TMTC1: variants seen among roughly 807,000 people sequenced by gnomAD.
TMTC1 encodes protein O-mannosyl-transferase TMTC1.
TMTC1 carries 73 observed loss-of-function variants against 104.8 expected under a neutral mutation model. That is an observed-to-expected ratio of 0.70 (90% CI 0.58 to 0.85). The LOEUF (loss-of-function observed/expected upper bound fraction) is 0.85. TMTC1 is among the 40% of genes least tolerant of loss of function. The pLI is 0.00. For missense variants in TMTC1, 1,035 were observed against 1,096.1 expected, an observed-to-expected ratio of 0.94 and a Z score of 0.79; for synonymous variants, 434 against 428.7, an observed-to-expected ratio of 1.01 and a Z score of -0.15.
intron 8 of TMTC1, among the ~76,000 whole-genome samples, chr12:29,574,889 T>C (rs1256024320): frequency 2.0e-5 from 3 of 152,132 alleles, no homozygotes; most frequent in Non-Finnish European, 4.4e-5. Context: ...AAGCTCTTAA[T>C]CATGAGGGAG....
At chr12:29,734,895 T>C (rs548860242) in intron 5 of TMTC1, among the ~76,000 whole-genome samples, 13 of 152,324 alleles carry the variant, frequency 8.5e-5, no homozygotes, top group South Asian at 8.3e-4. Flanking sequence ...ATTCCAACTC[T>C]GTATAAATAT....
chr12:29,676,519 T>C (rs1237802241), intron 5 of TMTC1, among the ~76,000 whole-genome samples: 1 of 152,158 alleles, frequency 6.6e-6, no homozygotes, highest in Non-Finnish European at 1.5e-5. Context: ...CCAGAGCATA[T>C]ATTTTGATAC....
At chr12:29,749,377 T>A (rs1270672145) in intron 5 of TMTC1, among the ~76,000 whole-genome samples, 3 of 152,158 alleles carry the variant, frequency 2.0e-5, no homozygotes, top group Non-Finnish European at 4.4e-5. Flanking sequence ...CATCAACTGA[T>A]CCATGTCACA....
At chr12:29,743,298 C>G (rs1042232648) in intron 5 of TMTC1, among the ~76,000 whole-genome samples, 1 of 152,158 alleles carries the variant, frequency 6.6e-6, no homozygotes, top group Admixed American at 6.6e-5. Flanking sequence ...CAACCTCATA[C>G]GTTTCGCAAG....
At position 29,508,868 on chromosome 12, in the gene TMTC1, G is replaced by A. The variant is rs189734895; in HGVS notation, c.2509-1882C>T. On this transcript the variant is annotated intron_variant, in intron 17 of 17. Coordinates refer to ENST00000539277, the MANE Select transcript of TMTC1 (RefSeq NM_001193451.2). ...GCTGGGATTACAGGTATGAGCCACCGTGCCCAGCCTAGAAGCCCTATTTTA... is the reference window on the plus strand; with the variant it reads ...GCTGGGATTACAGGTATGAGCCACCATGCCCAGCCTAGAAGCCCTATTTTA... 5.9e-4 allele frequency among the ~76,000 whole-genome samples: 90 copies of A among 152,060 alleles called. 1 individual carries two copies. The highest frequency in any genetic ancestry group is 1.8e-3 in the African/African-American group (74 of 41,448).
intron 5 of TMTC1, among the ~76,000 whole-genome samples, chr12:29,740,471 C>T (rs556843642): frequency 3.3e-5 from 5 of 152,248 alleles, no homozygotes; most frequent in Admixed American, 2.0e-4. Context: ...TTCCTGCCCT[C>T]GAACATCAGA....
chr12:29,638,931 G>T (rs184483725), intron 5 of TMTC1, among the ~76,000 whole-genome samples: 48 of 152,174 alleles, frequency 3.2e-4, no homozygotes, highest in Non-Finnish European at 5.6e-4. Context: ...ACCTCACTGG[G>T]CCCCAGCCAT....
intron 8 of TMTC1, among the ~76,000 whole-genome samples, chr12:29,583,071 T>C (rs1051176728): frequency 6.6e-6 from 1 of 152,226 alleles, no homozygotes; most frequent in African/African-American, 2.4e-5. Context: ...TGCTCACTTT[T>C]CACATGCACT....
chr12:29,763,537 T>C (rs1045356733), intron 2 of TMTC1, among the ~76,000 whole-genome samples: 4 of 152,190 alleles, frequency 2.6e-5, no homozygotes, highest in Admixed American at 6.5e-5. Context: ...GTTGGAAACA[T>C]ATAATCAGCC....
chr12:29,752,015 AT>A, intron 4 of TMTC1, 143 bp from the exon 5 acceptor site: 2 of 741,426 alleles, frequency 2.7e-6, no homozygotes, highest in Non-Finnish European at 4.3e-6. Context: ...TGTTTCTGAT[AT>A]TTACTGCCAT....
At chr12:29,644,819 C>T (rs757190708) in intron 5 of TMTC1, among the ~76,000 whole-genome samples, 3 of 152,258 alleles carry the variant, frequency 2.0e-5, no homozygotes, top group Non-Finnish European at 2.9e-5. Flanking sequence ...CATTTCTGAC[C>T]GCAGCACCTG....
At chr12:29,627,443 A>G (rs1439694885) in intron 6 of TMTC1, among the ~76,000 whole-genome samples, 1 of 152,228 alleles carries the variant, frequency 6.6e-6, no homozygotes, top group Non-Finnish European at 1.5e-5. Flanking sequence ...TTTAATTAAA[A>G]TAACAAAAGA....
At chr12:29,713,531 T>G (rs868309786) in intron 5 of TMTC1, among the ~76,000 whole-genome samples, 19 of 152,258 alleles carry the variant, frequency 1.2e-4, no homozygotes, top group African/African-American at 4.3e-4. Context: ...GCAAAATGTT[T>G]ACACATTTCA....
At chr12:29,628,782 C>T (rs1161796880) in intron 6 of TMTC1, among the ~76,000 whole-genome samples, 2 of 152,048 alleles carry the variant, frequency 1.3e-5, no homozygotes, top group Non-Finnish European at 2.9e-5. Context: ...CCACCTCAGC[C>T]TGCCAAGTAG....
intron 8 of TMTC1, among the ~76,000 whole-genome samples, chr12:29,578,167 T>G (rs986010637): frequency 1.3e-5 from 2 of 151,930 alleles, no homozygotes; most frequent in African/African-American, 4.8e-5. Context: ...TTCATAATGG[T>G]AAGAGGAAGT....
At chr12:29,531,358 G>T (rs916929120) in intron 11 of TMTC1, among the ~76,000 whole-genome samples, 4 of 152,052 alleles carry the variant, frequency 2.6e-5, no homozygotes, top group Non-Finnish European at 5.9e-5. Flanking sequence ...ATGTTTTATT[G>T]TTCCAATTTT....
intron 15 of TMTC1, among the ~76,000 whole-genome samples, chr12:29,515,178 A>G (rs1271387537): frequency 6.6e-6 from 1 of 152,162 alleles, no homozygotes; most frequent in Admixed American, 6.5e-5. Flanking sequence ...GAAAGAAAAC[A>G]AGATTTGGCA....
At chr12:29,571,397 A>C (rs994062264) in intron 9 of TMTC1, among the ~76,000 whole-genome samples, 3 of 151,962 alleles carry the variant, frequency 2.0e-5, no homozygotes, top group Non-Finnish European at 2.9e-5. Flanking sequence ...CCAACCAGCA[A>C]CTATAACTGG....
intron 11 of TMTC1, among the ~76,000 whole-genome samples, chr12:29,524,890 T>C (rs1272964530): frequency 6.6e-6 from 1 of 152,196 alleles, no homozygotes; most frequent in East Asian, 1.9e-4. Context: ...TTTTTAGTTT[T>C]ATTGTTTATA....
Sources: allele counts gnomAD v4.1 joint callset (sites outside exome capture counted in the v4.1 genomes callset), GRCh38; gene constraint gnomAD v4.1.1; transcripts MANE v1.5; gene names NCBI Gene and HGNC (gene_info 2026-07-23, HGNC 2026-07-21).